The following MSLN variants were observed in gnomAD, a reference collection of about 807,000 sequenced individuals.
The protein encoded by MSLN is mesothelin, also known as CAK1 antigen.
Under a neutral mutation model 72.6 loss-of-function variants are expected in MSLN, and 82 were observed. That is an observed-to-expected ratio of 1.13 (90% CI 0.94 to 1.36). The LOEUF (loss-of-function observed/expected upper bound fraction) is 1.36. Ranked by LOEUF, MSLN falls within the 40% of genes most tolerant of loss-of-function variation. The pLI is 0.00. For synonymous variants in MSLN, 456 were observed against 387.3 expected (o/e 1.18, Z -2.08); for missense variants, 1,005 against 847.9 (o/e 1.19, Z -2.30).
rs377289351 is a variant in MSLN, at chr16:768,490, G to A, written c.1708G>A (p.Asp570Asn). ...RDWILRQRQD[D>N]LDTLGLGLQG... ...CTGGATCCTACGGCAGCGGCAGGACGACCTGGACACGCTGGGGCTGGGGCT... is the reference window on the plus strand; with the variant it reads ...CTGGATCCTACGGCAGCGGCAGGACAACCTGGACACGCTGGGGCTGGGGCT... Residue 570 changes from aspartate (D) to asparagine (N), a missense_variant, in exon 17 of 18, where the codon GAC (aspartate) becomes AAC (asparagine). Transcript: ENST00000545450. 8.9e-5 allele frequency: 141 copies of A among 1,580,660 alleles called. 1 individual carries two copies. The highest frequency in any genetic ancestry group is 2.2e-4 in the South Asian group (19 of 86,542).
Position 765,373 on chromosome 16 carries a change from C to T in MSLN, c.704+70C>T, listed in dbSNP as rs1242020981. 132 of 1,452,430 alleles carry T rather than the reference C, an allele frequency of 9.1e-5. 1 individual carries two copies. Among genetic ancestry groups the T allele is most frequent in the Admixed American group, 1.4e-4 (6 of 43,208 alleles). The allele number at this position is 1,452,430 out of a possible 1,614,324, so 90.0% of individuals were successfully genotyped here. A position where few individuals can be genotyped will look rare whatever the true frequency, so the allele number is the denominator to read the frequency against. On this transcript the variant is annotated intron_variant, in intron 9 of 17. Transcript: ENST00000545450. ...GGTATCAGCAGCGTGAGGACACTTG[C>T]GGCCATGCCTCAAGGCCCAGGGTCA...
chr16:765,868 C>T, intron 11 of MSLN, 78 bp downstream of exon 11: 1 of 1,413,574 alleles, frequency 7.1e-7, no homozygotes, highest in Non-Finnish European at 9.6e-7. Flanking sequence ...AGGGTCTCAC[C>T]TGCCCCTCCC....
rs1178285942 is a variant in MSLN, at chr16:767,481, CG to C, written c.1596+14del. Reference sequence around the variant, plus strand: ...ACGGATGCGGTGCTGGTATGGCGAGCGGGAGGAGGGGCGTGTGGAGGAGGGG... The same window carrying C: ...ACGGATGCGGTGCTGGTATGGCGAGCGGAGGAGGGGCGTGTGGAGGAGGGG... On this transcript the variant is annotated intron_variant, in intron 16 of 17. Coordinates refer to ENST00000545450, the MANE Select transcript of MSLN (RefSeq NM_005823.6). The C allele has an allele frequency of 1.5e-5, 20 of 1,307,712 alleles. No homozygotes were observed. The Admixed American group carries it at 4.3e-4, about 28-fold the overall frequency. 81.0% of individuals were successfully genotyped at this position (1,307,712 alleles called of 1,614,324 possible).
rs1366409798 is a variant in MSLN, at chr16:766,386, T to A, written c.1126T>A (p.Phe376Ile). The change falls in exon 13 of 18, where the codon TTC (phenylalanine) becomes ATC (isoleucine). Residue 376 changes from phenylalanine (F) to isoleucine (I), a missense_variant. Coordinates refer to ENST00000545450, the MANE Select transcript of MSLN (RefSeq NM_005823.6). ...ESVIQHLGYL[F>I]LKMSPEDIRK... Reference sequence around the variant, plus strand: ...TGTGATCCAGCACCTGGGCTACCTCTTCCTCAAGATGAGCCCTGAGGACAT... The same window carrying A: ...TGTGATCCAGCACCTGGGCTACCTCATCCTCAAGATGAGCCCTGAGGACAT... 1 of 1,612,566 alleles carries A rather than the reference T, an allele frequency of 6.2e-7. No homozygotes were observed. Among genetic ancestry groups the A allele is most frequent in the Non-Finnish European group, 8.5e-7 (1 of 1,179,892 alleles).
Position 766,328 on chromosome 16 carries a change from C to T in MSLN, c.1075-7C>T, listed in dbSNP as rs1457459444. ...GACATGGGCCCTCCTGGTCTCTTGGCCTGCAGCTCTACCCACAAGGTTACC... is the reference window on the plus strand; with the variant it reads ...GACATGGGCCCTCCTGGTCTCTTGGTCTGCAGCTCTACCCACAAGGTTACC... On this transcript the variant is annotated splice_polypyrimidine_tract_variant and splice_region_variant and intron_variant, in intron 12 of 17. Transcript: ENST00000545450. 1 of 1,612,574 alleles carries T rather than the reference C, an allele frequency of 6.2e-7. No homozygotes were observed. The highest frequency in any genetic ancestry group is 8.5e-7 in the Non-Finnish European group (1 of 1,179,800).
intron 2 of MSLN, among the ~76,000 whole-genome samples, chr16:762,329 ACT>A (rs1173193898): frequency 6.6e-6 from 1 of 152,030 alleles, no homozygotes. Context: ...GAGTGGGGAG[ACT>A]CAGGCCAGCC....
intron 5 of MSLN, 114 bp from the exon 6 acceptor site, chr16:763,908 TG>T (rs2041568869): frequency 7.0e-7 from 1 of 1,436,804 alleles, no homozygotes; most frequent in African/African-American, 1.4e-5. Context: ...GGGGGAGGTC[TG>T]CAGGGAGCAC....
rs746206322 is a variant in MSLN at position 766,715 on chromosome 16, CAA to C, written c.1280_1281del (p.Lys427ArgfsTer42). 3.1e-6 allele frequency: 5 copies of C among 1,612,518 alleles called. No individual in the cohort carries two copies. In the African/African-American group the frequency reaches 4.0e-5, roughly 13 times the overall value. On this transcript the variant is annotated frameshift_variant, in exon 14 of 18. Transcript: ENST00000545450. LOFTEE classifies it high-confidence loss of function. Reference protein sequence around the residue: ...RFVKGRGQLDKDTLDTLTAFY... With the variant: ...RFVKGRGQLDXDTLDTLTAFY... Reference sequence around the variant, plus strand: ...TTGTGAAGGGAAGGGGCCAGCTAGACAAAGACACCCTAGACACCCTGACCGCC... The same window carrying C: ...TTGTGAAGGGAAGGGGCCAGCTAGACAGACACCCTAGACACCCTGACCGCC...
intron 4 of MSLN, 148 bp from the exon 5 acceptor site, chr16:763,494 G>A: frequency 1.1e-6 from 1 of 879,732 alleles, no homozygotes; most frequent in Non-Finnish European, 1.7e-6. Flanking sequence ...AGATGGATGA[G>A]AAGCAGCCAA....
rs550568683 is a variant in MSLN, at chr16:763,381, G to A, written c.129+105G>A. The A allele has an allele frequency of 1.7e-4, 181 of 1,076,304 alleles. 1 individual carries two copies. Among genetic ancestry groups the A allele is most frequent in the South Asian group, 4.8e-4 (33 of 68,676 alleles). 66.7% of individuals were successfully genotyped at this position (1,076,304 alleles called of 1,614,324 possible). On this transcript the variant is annotated intron_variant, in intron 4 of 17. Coordinates refer to ENST00000545450, the MANE Select transcript of MSLN (RefSeq NM_005823.6). Reference sequence around the variant, plus strand: ...ATCCACGGTGCTTGCCAGTTTCCACGGTCCTTGCTTGCAAAGGGGCACCTG... The same window carrying A: ...ATCCACGGTGCTTGCCAGTTTCCACAGTCCTTGCTTGCAAAGGGGCACCTG...
At chr16:763,942 G>A in intron 5 of MSLN, 81 bp from the exon 6 acceptor site, 1 of 1,560,848 alleles carries the variant, frequency 6.4e-7, no homozygotes, top group Non-Finnish European at 8.6e-7. Flanking sequence ...GGGAGAGGTG[G>A]GGCTGTGGGG....
At chr16:764,577 C>A in intron 6 of MSLN, 70 bp from the exon 7 acceptor site, 1 of 1,326,200 alleles carries the variant, frequency 7.5e-7, no homozygotes, top group Non-Finnish European at 1.1e-6. Flanking sequence ...GGCAGACTGG[C>A]CAGGCGACCC....
Position 764,643 on chromosome 16 carries a change from G to A in MSLN, c.301-4G>A, listed in dbSNP as rs1187761013. 1.2e-6 allele frequency: 2 copies of A among 1,612,042 alleles called. No homozygotes were observed. Among genetic ancestry groups the A allele is most frequent in the East Asian group, 2.2e-5 (1 of 44,872 alleles). On this transcript the variant is annotated splice_polypyrimidine_tract_variant and splice_region_variant and intron_variant, in intron 6 of 17. Transcript: ENST00000545450. ...GCTCTGTGCTGGACTCCCTGCCCCT[G>A]CAGCTGCGCTGTCTGGCTCACCGGC...
rs183116698 is a variant in MSLN, at chr16:768,364, C to G, written c.1597-15C>G. On this transcript the variant is annotated splice_polypyrimidine_tract_variant and intron_variant, in intron 16 of 17. Transcript: ENST00000545450. ...AAGGAGACCCTCCTTGATGGCTGCC[C>G]GGGGTCTCTGGCAGCCGTTGACTGT... 2.7e-6 allele frequency: 4 copies of G among 1,502,414 alleles called. No individual in the cohort carries two copies. Among genetic ancestry groups the G allele is most frequent in the Non-Finnish European group, 3.6e-6 (4 of 1,124,534 alleles). 93.1% of individuals were successfully genotyped at this position (1,502,414 alleles called of 1,614,324 possible). A position where few individuals can be genotyped will look rare whatever the true frequency, so the allele number is the denominator to read the frequency against.
intron 3 of MSLN, 121 bp from the exon 4 acceptor site, chr16:763,112 C>T (rs2041556857): frequency 1.5e-6 from 1 of 669,536 alleles, no homozygotes; most frequent in Admixed American, 3.1e-5. Context: ...ACTGGCTTCT[C>T]TTTGGGGTGT....
rs879131271 is a variant in MSLN, at chr16:767,360, C to T, written c.1502-16C>T. Reference sequence around the variant, plus strand: ...TGAGGTGAGGCCTCAGCTCGGGCCCCTCTCCCGGCGGGCAGGTGGGGCCCC... The same window carrying T: ...TGAGGTGAGGCCTCAGCTCGGGCCCTTCTCCCGGCGGGCAGGTGGGGCCCC... On this transcript the variant is annotated splice_polypyrimidine_tract_variant and intron_variant, in intron 15 of 17. Transcript: ENST00000545450. 1.9e-6 allele frequency: 3 copies of T among 1,609,918 alleles called. No homozygotes were observed. Among genetic ancestry groups the T allele is most frequent in the Non-Finnish European group, 2.5e-6 (3 of 1,178,370 alleles).
chr16:768,801 G>A lies in MSLN; in HGVS notation c.*68G>A, dbSNP rs771249504. On this transcript the variant is annotated 3_prime_UTR_variant, in exon 18 of 18. Transcript: ENST00000545450. ...CGCCTGGCCAGGAGCAGGCACGGGT[G>A]GTCCCCGTTCCACCCCAAGAGAACT... 1 of 1,495,912 alleles carries A rather than the reference G, an allele frequency of 6.7e-7. No homozygotes were observed. The highest frequency in any genetic ancestry group is 2.3e-5 in the East Asian group (1 of 44,068). The allele number at this position is 1,495,912 out of a possible 1,614,324, so 92.7% of individuals were successfully genotyped here.
At position 765,407 on chromosome 16, in the gene MSLN, C is replaced by T. The variant is rs1161634420; in HGVS notation, c.704+104C>T. ...CTCAAGGCCCAGGGTCAGTCACCCCCGCCACCACCCCTGCCAATGCCCCCA... is the reference window on the plus strand; with the variant it reads ...CTCAAGGCCCAGGGTCAGTCACCCCTGCCACCACCCCTGCCAATGCCCCCA... On this transcript the variant is annotated intron_variant, in intron 9 of 17. Transcript: ENST00000545450. The T allele has an allele frequency of 3.3e-5, 47 of 1,412,700 alleles. 1 individual carries two copies. The East Asian group carries it at 4.0e-4, about 12-fold the overall frequency. 87.5% of individuals were successfully genotyped at this position (1,412,700 alleles called of 1,614,324 possible).
rs72773454 is a variant in MSLN at position 767,407 on chromosome 16, C to A, written c.1533C>A (p.Leu511=). The A allele has an allele frequency of 1.2e-6, 2 of 1,603,166 alleles. No individual in the cohort carries two copies. Among genetic ancestry groups the A allele is most frequent in the African/African-American group, 2.8e-5 (2 of 72,162 alleles). ...GGAPTEDLKA[L]SQQNVSMDLA... is the part of the protein sequence containing the mutation. ...CCCCCACGGAGGATTTGAAGGCGCT[C>A]AGTCAGCAGAATGTGAGCATGGACT... The change falls in exon 16 of 18, where the codon CTC becomes CTA. Residue 511 remains leucine, a synonymous_variant. Coordinates refer to ENST00000545450, the MANE Select transcript of MSLN (RefSeq NM_005823.6).
Sources: allele counts gnomAD v4.1 joint callset (sites outside exome capture counted in the v4.1 genomes callset), GRCh38; gene constraint gnomAD v4.1.1; transcripts MANE v1.5; gene names NCBI Gene and HGNC (gene_info 2026-07-23, HGNC 2026-07-21).